UBN1: variants seen among roughly 807,000 people sequenced by gnomAD.
UBN1 encodes ubinuclein 1.
UBN1 carries 17 observed loss-of-function variants against 108.5 expected under a neutral mutation model. That is an observed-to-expected ratio of 0.16 (90% CI 0.11 to 0.24). The LOEUF (loss-of-function observed/expected upper bound fraction) is 0.24. Among genes scored for constraint, UBN1 ranks in the 10% least tolerant of loss-of-function variants. The probability of loss-of-function intolerance (pLI) is 1.00; values close to 1 mark genes in which losing one functional copy is unlikely to be tolerated. For missense variants in UBN1, 1,595 were observed against 1,394.4 expected (o/e 1.14, Z -2.29); for synonymous variants, 726 against 564.2 (o/e 1.29, Z -4.07).
Position 4,877,252 on chromosome 16 carries a change from C to CA in UBN1, c.3266-132dup. 6.6e-7 allele frequency: 1 copy of CA among 1,511,076 alleles called. No homozygotes were observed. The highest frequency in any genetic ancestry group is 1.3e-5 in the South Asian group (1 of 77,308). The allele number at this position is 1,511,076 out of a possible 1,614,324, so 93.6% of individuals were successfully genotyped here. A position where few individuals can be genotyped will look rare whatever the true frequency, so the allele number is the denominator to read the frequency against. On this transcript the variant is annotated intron_variant, in intron 16 of 17. Coordinates refer to ENST00000262376, the MANE Select transcript of UBN1 (RefSeq NM_001079514.3). The surrounding 1 kb of genome is among the most constrained non-coding windows in gnomAD (Gnocchi z 4.3). ...ATCTCCGGGAACTGTGCCAAGCCCCCACTGCCCCTTTGGGTGTGGTGCCCA... is the reference window on the plus strand; with the variant it reads ...ATCTCCGGGAACTGTGCCAAGCCCCCAACTGCCCCTTTGGGTGTGGTGCCCA...
chr16:4,876,858 G>A lies in UBN1; in HGVS notation c.3025-13G>A. 4 of 1,569,988 alleles carry A rather than the reference G, an allele frequency of 2.5e-6. No homozygotes were observed. The highest frequency in any genetic ancestry group is 3.5e-6 in the Non-Finnish European group (4 of 1,157,792). On this transcript the variant is annotated splice_polypyrimidine_tract_variant and intron_variant, in intron 15 of 17. Coordinates refer to ENST00000262376, the MANE Select transcript of UBN1 (RefSeq NM_001079514.3). ...GACTGGAGTTCTTACCGCTTGCTGTGTTTCTTCCCTAGAAAGGAGCGAGTG... is the reference window on the plus strand; with the variant it reads ...GACTGGAGTTCTTACCGCTTGCTGTATTTCTTCCCTAGAAAGGAGCGAGTG...
At position 4,874,759 on chromosome 16, in the gene UBN1, C is replaced by T. The variant is rs776602502; in HGVS notation, c.2349C>T (p.His783=). The T allele has an allele frequency of 3.7e-6, 6 of 1,614,096 alleles. No individual in the cohort carries two copies. The highest frequency in any genetic ancestry group is 5.1e-6 in the Non-Finnish European group (6 of 1,180,034). ...AAGTACATCAGTCCAAAGCTAAGCA[C>T]CACAGCTTGCCACGGACGTCTCACG... The part of the protein sequence containing the change: ...LPEVHQSKAK[H]HSLPRTSHGP... Residue 783 remains histidine (H), a synonymous_variant, in exon 15 of 18, where the codon CAC becomes CAT. Coordinates refer to ENST00000262376, the MANE Select transcript of UBN1 (RefSeq NM_001079514.3).
At chr16:4,873,677 C>T (rs2087745125) in intron 14 of UBN1, among the ~76,000 whole-genome samples, 1 of 152,166 alleles carries the variant, frequency 6.6e-6, no homozygotes, top group Non-Finnish European at 1.5e-5. Flanking sequence ...CCCACAATGT[C>T]CCAGACACAC....
Position 4,859,941 on chromosome 16 carries a change from C to G in UBN1, c.644C>G (p.Ser215Trp). 6.2e-7 allele frequency: 1 copy of G among 1,614,090 alleles called. No individual in the cohort carries two copies. Among genetic ancestry groups the G allele is most frequent in the Non-Finnish European group, 8.5e-7 (1 of 1,180,008 alleles). The change falls in exon 6 of 18, where the codon TCG (serine) becomes TGG (tryptophan). Residue 215 changes from serine to tryptophan, a missense_variant. Ser to Trp is a radical substitution (Grantham distance 177). This residue lies in a region of UBN1 where 1,398 missense variants were observed against 1,194.7 expected (regional missense o/e 1.17). Transcript: ENST00000262376. ...GACACTTATGACAAGGAGAAGAAAT[C>G]GAAAAAGTCCAAGTTTTCCAAAGCC... ...KDDTYDKEKK[S>W]KKSKFSKAGF...
Position 4,874,352 on chromosome 16 carries a change from G to A in UBN1, c.1942G>A (p.Gly648Ser), listed in dbSNP as rs1371817494. The change falls in exon 15 of 18, where the codon GGC becomes AGC. Residue 648 changes from glycine (G) to serine (S), a missense_variant. Coordinates refer to ENST00000262376, the MANE Select transcript of UBN1 (RefSeq NM_001079514.3). Reference protein sequence around the residue: ...SRELPSQASGGLANPPPVNLE... With the variant: ...SRELPSQASGSLANPPPVNLE... ...GGAGCTCCCATCCCAGGCATCGGGC[G>A]GCCTTGCTAACCCTCCTCCTGTCAA... 5.0e-6 allele frequency: 8 copies of A among 1,613,954 alleles called. No individual in the cohort carries two copies. The highest frequency in any genetic ancestry group is 3.3e-5 in the Admixed American group (2 of 59,992).
chr16:4,867,735 C>T (rs1298681647), intron 7 of UBN1, among the ~76,000 whole-genome samples: 2 of 151,854 alleles, frequency 1.3e-5, no homozygotes, highest in South Asian at 4.2e-4. Flanking sequence ...TGGAAGGGGC[C>T]CCAGAGGATG....
intron 2 of UBN1, among the ~76,000 whole-genome samples, 183 bp from the exon 3 acceptor site, chr16:4,857,807 A>G (rs1379035423): frequency 1.3e-5 from 2 of 152,224 alleles, no homozygotes; most frequent in African/African-American, 2.4e-5. Flanking sequence ...ATTAACCTAC[A>G]TTAAGGGAAA....
At chr16:4,852,774 G>A (rs1022326574) in intron 1 of UBN1, 105 bp from the exon 2 acceptor site, 2 of 1,205,958 alleles carry the variant, frequency 1.7e-6, no homozygotes, top group Non-Finnish European at 2.3e-6. Context: ...TAACAATGGA[G>A]TTTTCTTGAC....
At chr16:4,864,155 A>G (rs1337231038) in intron 7 of UBN1, among the ~76,000 whole-genome samples, 1 of 136,854 alleles carries the variant, frequency 7.3e-6, no homozygotes, top group Non-Finnish European at 1.5e-5. Context: ...ATCTCAGCTC[A>G]CTGCAACATC....
chr16:4,863,916 T>C (rs2087191442), intron 7 of UBN1, among the ~76,000 whole-genome samples: 1 of 152,128 alleles, frequency 6.6e-6, no homozygotes. Flanking sequence ...GAGCTAGCCT[T>C]AGAGGCTATG....
Position 4,853,067 on chromosome 16 carries a change from C to A in UBN1, c.150C>A (p.Thr50=), listed in dbSNP as rs995291827. The A allele has an allele frequency of 3.1e-6, 5 of 1,614,216 alleles. No homozygotes were observed. The highest frequency in any genetic ancestry group is 3.3e-5 in the Admixed American group (2 of 60,024). The change falls in exon 2 of 18, where the codon ACC becomes ACA. Residue 50 remains threonine, a synonymous_variant. Transcript: ENST00000262376. ...CAGCAGCTGTTCGGATTACACTCAC[C>A]CTCTTTGAACCAGATCACAAACGCT... is the stretch of plus-strand genomic sequence containing the variant. ...PAAAAVRITL[T]LFEPDHKRCP... is the part of the protein sequence containing the mutation.
At chr16:4,858,156 C>G in intron 3 of UBN1, 80 bp downstream of exon 3, 1 of 931,216 alleles carries the variant, frequency 1.1e-6, no homozygotes, top group Non-Finnish European at 1.7e-6. Flanking sequence ...AGTGGATCAT[C>G]ATGTAATAAA....
chr16:4,870,773 AG>A, intron 10 of UBN1, 70 bp from the exon 11 acceptor site: 1 of 1,603,446 alleles, frequency 6.2e-7, no homozygotes, highest in Non-Finnish European at 8.5e-7. Context: ...AAGTCCCAGT[AG>A]TGCAGAGTGA....
At chr16:4,858,910 T>A in intron 4 of UBN1, 115 bp from the exon 5 acceptor site, 1 of 1,363,082 alleles carries the variant, frequency 7.3e-7, no homozygotes, top group Non-Finnish European at 1.0e-6. Flanking sequence ...GAGGATGTTT[T>A]AGCATGCTCT....
rs141607304 is a variant in UBN1 at position 4,877,443 on chromosome 16, G to A, written c.3324G>A (p.Ala1108=). ...ATGCAGCGCCTCTCCCACACGCTGC[G>A]GTGCCCACCCATATCCCGCAGAGTC... ...PPHAAPLPHA[A]VPTHIPQSLP... The change falls in exon 17 of 18, where the codon GCG becomes GCA. Residue 1108 remains alanine, a synonymous_variant. Transcript: ENST00000262376. This position sits in a 1 kb window ranked among gnomAD's most constrained non-coding sequence, Gnocchi z 4.3. 180 of 1,612,000 alleles carry A rather than the reference G, an allele frequency of 1.1e-4. No individual in the cohort carries two copies. Among genetic ancestry groups the A allele is most frequent in the African/African-American group, 1.9e-4 (14 of 75,008 alleles).
chr16:4,858,917 C>A, intron 4 of UBN1, 108 bp from the exon 5 acceptor site: 1 of 1,415,210 alleles, frequency 7.1e-7, no homozygotes, highest in Non-Finnish European at 9.7e-7. Context: ...TTTTAGCATG[C>A]TCTTGGAAGT....
At chr16:4,848,918 C>T (rs529610543) in intron 1 of UBN1, among the ~76,000 whole-genome samples, 4 of 152,158 alleles carry the variant, frequency 2.6e-5, no homozygotes, top group Non-Finnish European at 5.9e-5. Flanking sequence ...CTGGCCAACA[C>T]GGTCAAACCC....
intron 1 of UBN1, among the ~76,000 whole-genome samples, chr16:4,850,552 T>C (rs2086510288): frequency 6.6e-6 from 1 of 152,218 alleles, no homozygotes; most frequent in Non-Finnish European, 1.5e-5. Flanking sequence ...CCTGAGGGCC[T>C]TGGAGATTTC....
At chr16:4,870,460 C>T in intron 9 of UBN1, 56 bp from the exon 10 acceptor site, 1 of 1,612,526 alleles carries the variant, frequency 6.2e-7, no homozygotes. Context: ...CATCATGCGT[C>T]CTGAGCGTAA....
Sources: gnomAD v4.1 joint callset for allele counts (sites outside exome capture counted in the v4.1 genomes callset) on GRCh38, gnomAD v4.1.1 for gene constraint, gnomAD v4.1.1 regional missense constraint, Gnocchi (gnomAD v3.1) non-coding constraint, MANE v1.5 for transcripts, NCBI Gene and HGNC (gene_info 2026-07-23, HGNC 2026-07-21) for gene names.